Variants in FRMD6 observed in about 807,000 individuals in gnomAD.
FRMD6 encodes FERM domain containing 6.
Under a neutral mutation model 73.2 loss-of-function variants are expected in FRMD6, and 37 were observed. The ratio of observed to expected loss-of-function variants is 0.51; its 90% confidence interval spans 0.39 to 0.66. The LOEUF (loss-of-function observed/expected upper bound fraction) is 0.66, where lower values mean the gene tolerates loss of function less well. Ranked by LOEUF, FRMD6 falls within the 30% of genes least tolerant of loss-of-function variation. FRMD6 has a pLI of 0.00. For synonymous variants in FRMD6, 273 were observed against 282.2 expected (o/e 0.97, Z 0.33); for missense variants, 714 against 780.5 (o/e 0.91, Z 1.02).
intron 1 of FRMD6, among the ~76,000 whole-genome samples, chr14:51,507,051 G>A (rs1884004635): frequency 6.8e-6 from 1 of 147,692 alleles, no homozygotes; most frequent in Non-Finnish European, 1.5e-5. Flanking sequence ...TATATTTTCT[G>A]AATTTTTGAA....
chr14:51,655,668 A>G (rs1892771345), intron 1 of FRMD6, among the ~76,000 whole-genome samples: 4 of 152,232 alleles, frequency 2.6e-5, no homozygotes, highest in African/African-American at 7.2e-5. Flanking sequence ...ATTTAAAACA[A>G]GGCTGAAGTA....
chr14:51,528,428 G>T (rs1885384788), intron 1 of FRMD6, among the ~76,000 whole-genome samples: 1 of 151,944 alleles, frequency 6.6e-6, no homozygotes, highest in South Asian at 2.1e-4. Context: ...CTGCTTTTTG[G>T]GCTCCCACAA....
chr14:51,678,232 A>C (rs970535849), intron 1 of FRMD6, among the ~76,000 whole-genome samples: 1 of 152,152 alleles, frequency 6.6e-6, no homozygotes, highest in Admixed American at 6.5e-5. Flanking sequence ...TAGCTGGCTA[A>C]GAGTCAGACC....
chr14:51,571,873 A>C (rs1888152889), intron 2 of FRMD6, among the ~76,000 whole-genome samples: 1 of 152,228 alleles, frequency 6.6e-6, no homozygotes, highest in Non-Finnish European at 1.5e-5. Context: ...TAAATTCAAA[A>C]AGGTTACATC....
At chr14:51,647,251 A>G (rs1482146177), upstream of FRMD6, among the ~76,000 whole-genome samples, 3 of 152,148 alleles carry the variant, frequency 2.0e-5, no homozygotes, top group Non-Finnish European at 4.4e-5. Context: ...GTAAAAGTAA[A>G]TCTTCTTGAG....
the FRMD6 span, among the ~76,000 whole-genome samples, chr14:51,444,172 AC>A: frequency 6.6e-6 from 1 of 152,090 alleles, no homozygotes; most frequent in African/African-American, 2.4e-5. Context: ...TAGGTGATCC[AC>A]CCGCCTTGGC....
chr14:51,396,814 C>T, the FRMD6 span, among the ~76,000 whole-genome samples: 84 of 152,254 alleles, frequency 5.5e-4, 1 homozygote, highest in Admixed American at 4.8e-3. Flanking sequence ...TGTAACTGGA[C>T]GAGCTACAGG....
intron 1 of FRMD6, among the ~76,000 whole-genome samples, chr14:51,558,319 T>A (rs1887267465): frequency 6.6e-6 from 1 of 151,892 alleles, no homozygotes; most frequent in African/African-American, 2.4e-5. Context: ...AATACAAAAA[T>A]TAGCCAGGCA....
At chr14:51,674,625 CT>C (rs1235983582) in intron 1 of FRMD6, among the ~76,000 whole-genome samples, 2 of 152,048 alleles carry the variant, frequency 1.3e-5, no homozygotes, top group Non-Finnish European at 2.9e-5. Context: ...TAACTTCAAC[CT>C]TCAAGGTTGA....
chr14:51,562,563 C>T (rs748405628), intron 1 of FRMD6, among the ~76,000 whole-genome samples: 84 of 152,314 alleles, frequency 5.5e-4, no homozygotes, highest in Middle Eastern at 3.4e-3. Flanking sequence ...GATAAAGCTT[C>T]TCCAGTTTAT....
In FRMD6 at chr14:51,629,734, TAGC is replaced by T. The variant is rs1447900832; in HGVS notation, c.-147+59327_-147+59329del. 8.5e-5 allele frequency among the ~76,000 whole-genome samples: 13 copies of T among 152,368 alleles called. No homozygotes were observed. In the East Asian group the frequency reaches 2.1e-3, roughly 25 times the overall value. On this transcript the variant is annotated intron_variant, in intron 2 of 14. Coordinates refer to the FRMD6 transcript ENST00000356218. ...GCAGGCACCCAGGCTCTGTGCTGAC[TAGC>T]AGTTTTCTTTCAGCCAGCTGGCCAG...
At chr14:51,451,497 G>T in the FRMD6 span, among the ~76,000 whole-genome samples, 1 of 152,110 alleles carries the variant, frequency 6.6e-6, no homozygotes, top group Non-Finnish European at 1.5e-5. Flanking sequence ...CCTCAACCTC[G>T]CAAGCAGCTG....
intron 1 of FRMD6, among the ~76,000 whole-genome samples, chr14:51,509,612 T>C (rs879322995): frequency 6.6e-6 from 1 of 152,148 alleles, no homozygotes. Flanking sequence ...ACAATGCACA[T>C]ATATGTATAT....
At chr14:51,504,363 G>A (rs1373620164) in intron 1 of FRMD6, among the ~76,000 whole-genome samples, 5 of 152,230 alleles carry the variant, frequency 3.3e-5, no homozygotes, top group African/African-American at 1.2e-4. Context: ...TGTAGGAGGT[G>A]GCTAGAGACC....
At chr14:51,494,638 G>A (rs1003009399) in intron 1 of FRMD6, among the ~76,000 whole-genome samples, 1 of 152,180 alleles carries the variant, frequency 6.6e-6, no homozygotes, top group African/African-American at 2.4e-5. Context: ...CACACCTGTG[G>A]CAACATCTAT....
chr14:51,712,598 T>G (rs1423485144), intron 9 of FRMD6, 47 bp downstream of exon 9: 10 of 1,176,406 alleles, frequency 8.5e-6, no homozygotes, highest in Admixed American at 1.9e-5. Context: ...ATTAATTGCT[T>G]ACTTTTTTGG....
intron 1 of FRMD6, among the ~76,000 whole-genome samples, chr14:51,663,691 C>T (rs770019783): frequency 6.6e-6 from 1 of 152,104 alleles, no homozygotes; most frequent in Non-Finnish European, 1.5e-5. Context: ...CAGCAAACCC[C>T]CATGACACAA....
At chr14:51,614,691 T>C (rs1396672391) in intron 2 of FRMD6, among the ~76,000 whole-genome samples, 2 of 152,214 alleles carry the variant, frequency 1.3e-5, no homozygotes, top group African/African-American at 4.8e-5. Context: ...AGAATACTTT[T>C]TTCTGGATCT....
the FRMD6 span, among the ~76,000 whole-genome samples, chr14:51,474,857 C>G: frequency 6.0e-3 from 911 of 152,298 alleles, 10 homozygotes; most frequent in African/African-American, 0.021. Flanking sequence ...TAACTGGAGT[C>G]AAGCTATTAA....
Sources: allele counts gnomAD v4.1 joint callset (sites outside exome capture counted in the v4.1 genomes callset), GRCh38; gene constraint gnomAD v4.1.1; transcripts MANE v1.5; gene names NCBI Gene and HGNC (gene_info 2026-07-23, HGNC 2026-07-21).